LINGO2: variants seen among roughly 807,000 people sequenced by gnomAD.
LINGO2 encodes the protein leucine rich repeat and Ig domain containing 2.
Under a neutral mutation model 30.6 loss-of-function variants are expected in LINGO2, and 14 were observed. The ratio of observed to expected loss-of-function variants is 0.46; its 90% CI spans 0.30 to 0.72. The LOEUF (loss-of-function observed/expected upper bound fraction) is 0.72. LINGO2 is among the 30% of genes least tolerant of loss of function. LINGO2 has a pLI of 0.07. For synonymous variants in LINGO2, 317 were observed against 288.5 expected, an observed-to-expected ratio of 1.10 and a Z score of -1.00; for missense variants, 729 against 751.7, an observed-to-expected ratio of 0.97 and a Z score of 0.35.
At chr9:28,526,633 G>A (rs950910847) in intron 1 of LINGO2, among the ~76,000 whole-genome samples, 1 of 152,100 alleles carries the variant, frequency 6.6e-6, no homozygotes, top group African/African-American at 2.4e-5. Context: ...CAATATTAAG[G>A]TAATAGAGGC....
intron 1 of LINGO2, among the ~76,000 whole-genome samples, chr9:28,479,440 A>G (rs1354502594): frequency 1.3e-5 from 2 of 152,054 alleles, no homozygotes; most frequent in South Asian, 2.1e-4. Flanking sequence ...AGCACAGGAA[A>G]TGTCATTATA....
the LINGO2 span, among the ~76,000 whole-genome samples, chr9:28,880,573 A>G: frequency 6.6e-6 from 1 of 152,114 alleles, no homozygotes; most frequent in Non-Finnish European, 1.5e-5. Flanking sequence ...GTTTCTCCCC[A>G]TGTGATAGTC....
chr9:28,836,237 C>G, the LINGO2 span, among the ~76,000 whole-genome samples: 1 of 152,180 alleles, frequency 6.6e-6, no homozygotes, highest in African/African-American at 2.4e-5. Context: ...AGGAGTCAAG[C>G]TTCACTATCT....
the LINGO2 span, among the ~76,000 whole-genome samples, chr9:28,766,914 T>C: frequency 6.6e-6 from 1 of 151,804 alleles, no homozygotes; most frequent in African/African-American, 2.4e-5. Flanking sequence ...GAGGACATTA[T>C]GTTAAGTGAA....
intron 4 of LINGO2, among the ~76,000 whole-genome samples, chr9:28,066,184 G>A (rs1825307728): frequency 6.6e-6 from 1 of 152,014 alleles, no homozygotes; most frequent in African/African-American, 2.4e-5. Context: ...ACTGCTGACT[G>A]TACCACAGAG....
rs1478054075 is a variant in LINGO2 at position 28,048,958 on chromosome 9, T to TA, written c.-86-36554dup. On this transcript the variant is annotated intron_variant, in intron 4 of 5. Transcript: ENST00000379992. ...AAAGCAAATGCATGTATGTGAAATA[T>TA]AAAAGGCAAAAAGTACTAATAGCAG... 8.6e-5 allele frequency among the ~76,000 whole-genome samples: 13 copies of TA among 151,022 alleles called. 1 individual carries two copies. In the East Asian group the frequency reaches 2.2e-3, roughly 25 times the overall value.
At chr9:28,938,420 C>A in the LINGO2 span, among the ~76,000 whole-genome samples, 1 of 152,074 alleles carries the variant, frequency 6.6e-6, no homozygotes, top group African/African-American at 2.4e-5. Flanking sequence ...TCTCCTTTTA[C>A]ATTTTACTTA....
chr9:28,509,112 C>G (rs1442351761), intron 1 of LINGO2, among the ~76,000 whole-genome samples: 1 of 152,154 alleles, frequency 6.6e-6, no homozygotes, highest in Admixed American at 6.6e-5. Flanking sequence ...CACTTTAGAT[C>G]AAATCAGCCT....
the LINGO2 span, among the ~76,000 whole-genome samples, chr9:28,934,523 T>TA: frequency 6.6e-6 from 1 of 152,202 alleles, no homozygotes; most frequent in Non-Finnish European, 1.5e-5. Context: ...CTGAGTATGA[T>TA]AAAAATGAAA....
downstream of LINGO2, chr9:27,944,349 A>T (rs1011468285): frequency 2.0e-5 from 3 of 152,152 alleles, no homozygotes; most frequent in Admixed American, 6.6e-5. Context: ...CTATCATTTT[A>T]TCCTGTACAC....
chr9:28,682,931 C>A, the LINGO2 span, among the ~76,000 whole-genome samples: 1 of 151,978 alleles, frequency 6.6e-6, no homozygotes, highest in African/African-American at 2.4e-5. Flanking sequence ...TTAACCAAAG[C>A]CACAATGAGA....
At chr9:28,943,386 T>A in the LINGO2 span, among the ~76,000 whole-genome samples, 1 of 151,578 alleles carries the variant, frequency 6.6e-6, no homozygotes, top group African/African-American at 2.4e-5. Context: ...AAAAAATGTG[T>A]CCTGCAAGCA....
the LINGO2 span, among the ~76,000 whole-genome samples, chr9:28,836,173 T>C: frequency 6.6e-6 from 1 of 152,122 alleles, no homozygotes; most frequent in Non-Finnish European, 1.5e-5. Context: ...ACAAGCAGTC[T>C]TGATTTTCAT....
chr9:28,629,729 T>C (rs547629897), intron 1 of LINGO2, among the ~76,000 whole-genome samples: 1 of 152,038 alleles, frequency 6.6e-6, no homozygotes, highest in East Asian at 1.9e-4. Context: ...GAGTACAATA[T>C]AAAACTAAGG....
chr9:29,160,538 G>C, the LINGO2 span, among the ~76,000 whole-genome samples: 1 of 152,154 alleles, frequency 6.6e-6, no homozygotes, highest in Non-Finnish European at 1.5e-5. Context: ...TTAGAGAATT[G>C]CTTTATCCTG....
the LINGO2 span, among the ~76,000 whole-genome samples, chr9:28,703,737 C>A: frequency 1.3e-5 from 2 of 151,768 alleles, no homozygotes; most frequent in African/African-American, 4.8e-5. Context: ...CTTTTTTTAA[C>A]TCTTTCAGTT....
At chr9:28,965,804 A>G in the LINGO2 span, among the ~76,000 whole-genome samples, 4 of 152,140 alleles carry the variant, frequency 2.6e-5, no homozygotes, top group Non-Finnish European at 4.4e-5. Flanking sequence ...AAGTAACTAT[A>G]TAAAAGAAAT....
the LINGO2 span, among the ~76,000 whole-genome samples, chr9:28,961,975 AC>A: frequency 6.6e-6 from 1 of 152,148 alleles, no homozygotes; most frequent in Non-Finnish European, 1.5e-5. Context: ...CTTTGTTGCC[AC>A]TTTGGAGTCT....
intron 4 of LINGO2, among the ~76,000 whole-genome samples, chr9:28,013,166 T>C (rs1822645983): frequency 6.6e-6 from 1 of 152,182 alleles, no homozygotes; most frequent in Non-Finnish European, 1.5e-5. Context: ...ATCAGGATTT[T>C]AGGGATGATA....
Sources: gnomAD v4.1 joint callset for allele counts (sites outside exome capture counted in the v4.1 genomes callset) on GRCh38, gnomAD v4.1.1 for gene constraint, MANE v1.5 for transcripts, NCBI Gene and HGNC (gene_info 2026-07-23, HGNC 2026-07-21) for gene names.